QTMAN: variants seen among roughly 807,000 people sequenced by gnomAD.
QTMAN encodes tRNA-queuosine alpha-mannosyltransferase.
chr2:144,321,128 A>C, the QTMAN span, among the ~76,000 whole-genome samples: 1 of 152,320 alleles, frequency 6.6e-6, no homozygotes, highest in East Asian at 1.9e-4. Flanking sequence ...TATCCAGAAT[A>C]TCCGTTTTTT....
the QTMAN span, among the ~76,000 whole-genome samples, chr2:144,307,051 C>T: frequency 1.6e-4 from 24 of 150,184 alleles, no homozygotes; most frequent in African/African-American, 5.9e-4. Context: ...GTCCCAGCTA[C>T]TGGGGAGGCT....
chr2:144,261,580 A>C, the QTMAN span, among the ~76,000 whole-genome samples: 1 of 152,194 alleles, frequency 6.6e-6, no homozygotes, highest in Non-Finnish European at 1.5e-5. Context: ...AAAAGTGGTA[A>C]GCATTCTCAA....
chr2:143,990,886 A>C, the QTMAN span, among the ~76,000 whole-genome samples: 1 of 152,240 alleles, frequency 6.6e-6, no homozygotes, highest in Non-Finnish European at 1.5e-5. Context: ...TAAGAGACTA[A>C]ATATGTAAAG....
chr2:143,971,532 AT>A, the QTMAN span, among the ~76,000 whole-genome samples: 1 of 152,142 alleles, frequency 6.6e-6, no homozygotes, highest in Non-Finnish European at 1.5e-5. Flanking sequence ...GGACACTAAC[AT>A]TTTTAAAAAC....
the QTMAN span, among the ~76,000 whole-genome samples, chr2:144,035,000 T>C: frequency 6.6e-6 from 1 of 152,202 alleles, no homozygotes; most frequent in Non-Finnish European, 1.5e-5. Context: ...GCAACTAATA[T>C]AGTTTGGAAA....
At chr2:144,078,522 G>A in the QTMAN span, among the ~76,000 whole-genome samples, 1 of 152,110 alleles carries the variant, frequency 6.6e-6, no homozygotes, top group East Asian at 1.9e-4. Flanking sequence ...ATGCATTTAA[G>A]AAAATCTCAA....
the QTMAN span, chr2:143,940,569 G>GA: frequency 6.6e-6 from 1 of 152,116 alleles, no homozygotes; most frequent in East Asian, 1.9e-4. Flanking sequence ...TACCATATTA[G>GA]AAGTTTCTCC....
the QTMAN span, among the ~76,000 whole-genome samples, chr2:144,192,663 G>C: frequency 6.6e-6 from 1 of 152,168 alleles, no homozygotes; most frequent in Non-Finnish European, 1.5e-5. Context: ...AGATCTCTTT[G>C]TAAGTTTTAC....
At chr2:144,022,382 T>C in the QTMAN span, among the ~76,000 whole-genome samples, 14 of 151,796 alleles carry the variant, frequency 9.2e-5, no homozygotes, top group Non-Finnish European at 1.8e-4. Context: ...CTCCAATTTC[T>C]AGGCACAAGC....
At chr2:144,031,073 C>T in the QTMAN span, among the ~76,000 whole-genome samples, 5 of 152,156 alleles carry the variant, frequency 3.3e-5, no homozygotes, top group African/African-American at 1.2e-4. Context: ...ATGGATCTTA[C>T]TATAGTTGCA....
chr2:144,231,595 G>A, the QTMAN span, among the ~76,000 whole-genome samples: 5 of 151,856 alleles, frequency 3.3e-5, no homozygotes, highest in East Asian at 3.9e-4. Flanking sequence ...AAACTCAACC[G>A]TATTTACCAA....
the QTMAN span, among the ~76,000 whole-genome samples, chr2:144,161,545 T>C: frequency 6.6e-6 from 1 of 152,176 alleles, no homozygotes; most frequent in African/African-American, 2.4e-5. Flanking sequence ...GAGGAAAGGA[T>C]ATGAATGTCC....
chr2:144,111,019 T>C, the QTMAN span, among the ~76,000 whole-genome samples: 1 of 152,122 alleles, frequency 6.6e-6, no homozygotes, highest in African/African-American at 2.4e-5. Context: ...TCTATTAATA[T>C]AGGAAAAGTG....
chr2:144,227,608 A>G, the QTMAN span, among the ~76,000 whole-genome samples: 2 of 152,184 alleles, frequency 1.3e-5, no homozygotes, highest in Admixed American at 1.3e-4. Flanking sequence ...CACCAAGATG[A>G]CCCAATTACA....
At chr2:144,185,524 C>T in the QTMAN span, among the ~76,000 whole-genome samples, 117 of 152,320 alleles carry the variant, frequency 7.7e-4, 1 homozygote, top group African/African-American at 2.1e-3. Flanking sequence ...AATTCATCAA[C>T]GTCTACTTCT....
chr2:144,123,547 T>A, the QTMAN span, among the ~76,000 whole-genome samples: 1 of 152,244 alleles, frequency 6.6e-6, no homozygotes, highest in South Asian at 2.1e-4. Context: ...CATCATCAAA[T>A]GAAAAGATGA....
chr2:144,172,692 G>A, the QTMAN span, among the ~76,000 whole-genome samples: 924 of 147,934 alleles, frequency 6.2e-3, 11 homozygotes, highest in African/African-American at 0.021. Context: ...CTTTTAGAAA[G>A]TTATTTTATA....
the QTMAN span, among the ~76,000 whole-genome samples, chr2:144,066,948 C>T: frequency 1.3e-5 from 2 of 152,222 alleles, no homozygotes; most frequent in African/African-American, 2.4e-5. Context: ...CTTTGGCTCT[C>T]GTCTTTGACG....
the QTMAN span, among the ~76,000 whole-genome samples, chr2:144,263,496 T>G: frequency 2.0e-5 from 3 of 152,124 alleles, no homozygotes; most frequent in Non-Finnish European, 4.4e-5. Context: ...TTCATGTGGG[T>G]GGATCACCTG....
Sources: allele counts gnomAD v4.1 joint callset (sites outside exome capture counted in the v4.1 genomes callset), GRCh38; gene constraint gnomAD v4.1.1; transcripts MANE v1.5; gene names NCBI Gene and HGNC (gene_info 2026-07-23, HGNC 2026-07-21).